Variants in ULK4 observed in about 807,000 individuals in gnomAD.
ULK4 encodes inactive serine/threonine-protein kinase ULK4.
A neutral mutation model predicts 160.6 loss-of-function variants in ULK4; 133 were observed. The observed-to-expected ratio is 0.83, with a 90% CI of 0.72 to 0.96. ULK4 has a LOEUF of 0.96. ULK4 is among the 40% of genes least tolerant of loss of function. The pLI is 0.00. For missense variants in ULK4, 1,580 were observed against 1,499.5 expected, an observed-to-expected ratio of 1.05 and a Z score of -0.89; for synonymous variants, 534 against 539.8, an observed-to-expected ratio of 0.99 and a Z score of 0.15.
At chr3:41,427,510 A>G (rs1407877960) in intron 34 of ULK4, among the ~76,000 whole-genome samples, 1 of 152,206 alleles carries the variant, frequency 6.6e-6, no homozygotes, top group African/African-American at 2.4e-5. Context: ...ACATCAATGC[A>G]AAAATCCTCA....
chr3:41,805,841 A>G (rs1224953019), intron 19 of ULK4, among the ~76,000 whole-genome samples: 2 of 145,960 alleles, frequency 1.4e-5, no homozygotes, highest in African/African-American at 5.1e-5. Context: ...AGCCCACTTG[A>G]TCATGGTGGA....
intron 35 of ULK4, among the ~76,000 whole-genome samples, chr3:41,327,666 G>A (rs766158489): frequency 3.9e-4 from 59 of 152,216 alleles, no homozygotes; most frequent in Admixed American, 2.2e-3. Flanking sequence ...TGAAGCACCA[G>A]AGGAGACTGC....
At position 41,705,096 on chromosome 3, in the gene ULK4, T is replaced by G; in HGVS notation, c.2742A>C (p.Ile914=). The G allele has an allele frequency of 6.2e-7, 1 of 1,613,990 alleles. No homozygotes were observed. Among genetic ancestry groups the G allele is most frequent in the South Asian group, 1.1e-5 (1 of 91,048 alleles). Residue 914 remains isoleucine (I), a synonymous_variant, in exon 27 of 37, where the codon ATA becomes ATC. Coordinates refer to ENST00000301831, the MANE Select transcript of ULK4 (RefSeq NM_017886.4). ...CTTTCAATAAAATAGGATACTGTAT[T>G]ATTGCTTCAAAAGCTGACAATGTGA... is the stretch of plus-strand genomic sequence containing the variant. The part of the protein sequence containing the change: ...IKITLSAFEA[I]IQYPILLKDY...
intron 32 of ULK4, among the ~76,000 whole-genome samples, chr3:41,480,830 G>T (rs2084299103): frequency 6.6e-6 from 1 of 152,218 alleles, no homozygotes; most frequent in Non-Finnish European, 1.5e-5. Context: ...CATGGCAGTG[G>T]CAAGGAGAAG....
At chr3:41,682,780 T>C (rs1335575991) in intron 27 of ULK4, among the ~76,000 whole-genome samples, 1 of 152,200 alleles carries the variant, frequency 6.6e-6, no homozygotes, top group Non-Finnish European at 1.5e-5. Flanking sequence ...CCAAGGTACT[T>C]TGAGAACTCC....
At chr3:41,534,162 T>C (rs1316006914) in intron 32 of ULK4, among the ~76,000 whole-genome samples, 1 of 152,202 alleles carries the variant, frequency 6.6e-6, no homozygotes, top group Non-Finnish European at 1.5e-5. Flanking sequence ...GATTTTCTGG[T>C]CCTTGAGTAA....
intron 32 of ULK4, among the ~76,000 whole-genome samples, chr3:41,561,345 C>A (rs2087561706): frequency 6.6e-6 from 1 of 152,080 alleles, no homozygotes; most frequent in Non-Finnish European, 1.5e-5. Flanking sequence ...TGTGTCTCTG[C>A]CAGGCTTTGG....
intron 35 of ULK4, among the ~76,000 whole-genome samples, chr3:41,369,010 C>A (rs2081308461): frequency 6.6e-6 from 1 of 152,218 alleles, no homozygotes; most frequent in African/African-American, 2.4e-5. Flanking sequence ...CTGCCTAATA[C>A]CTGCAAATAC....
chr3:41,440,092 T>A (rs543921936), intron 34 of ULK4, among the ~76,000 whole-genome samples: 1 of 152,234 alleles, frequency 6.6e-6, no homozygotes, highest in Non-Finnish European at 1.5e-5. Flanking sequence ...TTCTAGTAGC[T>A]TTTTGTTGAT....
intron 5 of ULK4, among the ~76,000 whole-genome samples, chr3:41,920,753 C>G (rs990836155): frequency 6.6e-6 from 1 of 152,092 alleles, no homozygotes; most frequent in Non-Finnish European, 1.5e-5. Context: ...GAGCCCATTA[C>G]AGCGAGATCA....
chr3:41,292,035 G>A (rs974013373), intron 35 of ULK4, among the ~76,000 whole-genome samples: 37 of 151,666 alleles, frequency 2.4e-4, no homozygotes, highest in African/African-American at 7.7e-4. Context: ...GGGTTTCACC[G>A]TGTTAGCCAG....
At chr3:41,624,031 A>G (rs1379566578) in intron 30 of ULK4, among the ~76,000 whole-genome samples, 2 of 152,242 alleles carry the variant, frequency 1.3e-5, no homozygotes, top group African/African-American at 4.8e-5. Context: ...TGTAGTTTCA[A>G]TGAAAACAGT....
At chr3:41,572,334 C>T (rs1019572277) in intron 31 of ULK4, among the ~76,000 whole-genome samples, 3 of 152,086 alleles carry the variant, frequency 2.0e-5, no homozygotes, top group East Asian at 1.9e-4. Flanking sequence ...CCAGAGTAGG[C>T]GGGGGTGAAA....
intron 18 of ULK4, among the ~76,000 whole-genome samples, chr3:41,822,315 G>A (rs1434240668): frequency 6.6e-6 from 1 of 152,134 alleles, no homozygotes; most frequent in East Asian, 1.9e-4. Flanking sequence ...CTTAATAACG[G>A]CCGTAATCCA....
chr3:41,750,971 A>C (rs2038602829), intron 22 of ULK4, among the ~76,000 whole-genome samples: 1 of 137,458 alleles, frequency 7.3e-6, no homozygotes. Context: ...CAAAAAAAAA[A>C]AAGAGAGAGA....
intron 25 of ULK4, among the ~76,000 whole-genome samples, chr3:41,706,488 G>A (rs1013018927): frequency 2.0e-5 from 3 of 148,358 alleles, no homozygotes; most frequent in Admixed American, 6.7e-5. Context: ...GATGACCTCG[G>A]AACTAAAAAG....
intron 10 of ULK4, 75 bp downstream of exon 10, chr3:41,911,466 G>A: frequency 6.3e-7 from 1 of 1,586,162 alleles, no homozygotes; most frequent in South Asian, 1.1e-5. Flanking sequence ...AAGATTTAAA[G>A]GGACATAACA....
intron 30 of ULK4, among the ~76,000 whole-genome samples, chr3:41,636,292 T>C (rs1279914189): frequency 3.3e-5 from 5 of 152,154 alleles, no homozygotes; most frequent in African/African-American, 1.2e-4. Context: ...CTTAGCACTT[T>C]GGGAGGCCGA....
intron 35 of ULK4, among the ~76,000 whole-genome samples, chr3:41,363,153 T>C (rs1057010479): frequency 7.2e-5 from 11 of 152,186 alleles, no homozygotes; most frequent in Admixed American, 7.2e-4. Context: ...GCCATGCAAT[T>C]AAGCCTAACA....
Sources: gnomAD v4.1 joint callset for allele counts (sites outside exome capture counted in the v4.1 genomes callset) on GRCh38, gnomAD v4.1.1 for gene constraint, MANE v1.5 for transcripts, NCBI Gene and HGNC (gene_info 2026-07-23, HGNC 2026-07-21) for gene names.